Variants in THOC1 observed in about 807,000 individuals in gnomAD.
The protein encoded by THOC1 is THO complex subunit 1.
A neutral mutation model predicts 97.3 loss-of-function variants in THOC1; 29 were observed. The ratio of observed to expected loss-of-function variants is 0.30; its 90% CI spans 0.22 to 0.41. The LOEUF is 0.41. THOC1 is among the 10% of genes least tolerant of loss of function. The pLI is 1.00. For synonymous variants in THOC1, 255 were observed against 257.0 expected (o/e 0.99, Z 0.07); for missense variants, 529 against 761.9 (o/e 0.69, Z 3.60).
chr18:259,883 G>A, intron 5 of THOC1, 153 bp from the exon 6 acceptor site: 1 of 545,774 alleles, frequency 1.8e-6, no homozygotes. Flanking sequence ...CATTTTCAAT[G>A]AAATAAAAAT....
At position 225,361 on chromosome 18, in the gene THOC1, T is replaced by C; in HGVS notation, c.1062A>G (p.Glu354=). Residue 354 remains glutamate, a synonymous_variant, in exon 13 of 21, where the codon GAA becomes GAG. Transcript: ENST00000261600. Reference sequence around the variant, plus strand: ...CTTGATAAACTGATTTTGTAGTATCTTCAATCCAAAGTGATTGCTCATCAG... The same window carrying C: ...CTTGATAAACTGATTTTGTAGTATCCTCAATCCAAAGTGATTGCTCATCAG... ...VLTDEQSLWI[E]DTTKSVYQLL... 1 of 1,613,632 alleles carries C rather than the reference T, an allele frequency of 6.2e-7. No homozygotes were observed. Among genetic ancestry groups the C allele is most frequent in the Non-Finnish European group, 8.5e-7 (1 of 1,179,728 alleles).
chr18:259,993 T>C (rs1912552898), intron 5 of THOC1, 193 bp downstream of exon 5: 8 of 522,236 alleles, frequency 1.5e-5, no homozygotes, highest in East Asian at 6.7e-5. Flanking sequence ...AAATCAAATT[T>C]TGTATTTCAA....
chr18:232,060 G>A (rs1158383780), intron 11 of THOC1, among the ~76,000 whole-genome samples: 1 of 152,178 alleles, frequency 6.6e-6, no homozygotes, highest in African/African-American at 2.4e-5. Flanking sequence ...CAATCTAAAT[G>A]AATGAGGGTG....
intron 17 of THOC1, among the ~76,000 whole-genome samples, chr18:222,093 T>C (rs1250448660): frequency 6.6e-6 from 1 of 152,216 alleles, no homozygotes; most frequent in Non-Finnish European, 1.5e-5. Flanking sequence ...TCAATTTATT[T>C]AAAAATTACA....
intron 11 of THOC1, among the ~76,000 whole-genome samples, chr18:232,984 C>T (rs557195169): frequency 6.6e-6 from 1 of 152,116 alleles, no homozygotes; most frequent in South Asian, 2.1e-4. Context: ...TAATCTTCTC[C>T]CAGTCTGTGC....
At chr18:258,065 T>C (rs1912490978) in intron 7 of THOC1, among the ~76,000 whole-genome samples, 1 of 151,956 alleles carries the variant, frequency 6.6e-6, no homozygotes, top group Admixed American at 6.6e-5. Flanking sequence ...AGATACATCA[T>C]AGTAAAACTA....
rs759421947 is a variant in THOC1, at chr18:214,591, T to TATCA, written c.*31_*34dup. The TATCA allele has an allele frequency of 3.9e-6, 6 of 1,544,782 alleles. No homozygotes were observed. The highest frequency in any genetic ancestry group is 1.7e-4 in the Middle Eastern group (1 of 5,770). ...TCAAATGCTGCTTGGTAACAAAATC[T>TATCA]ATCACAGTTTTAATAAAAAGAAAAA... On this transcript the variant is annotated 3_prime_UTR_variant, in exon 21 of 21. Coordinates refer to ENST00000261600, the MANE Select transcript of THOC1 (RefSeq NM_005131.3).
At chr18:253,135 G>A (rs1197451796) in intron 8 of THOC1, among the ~76,000 whole-genome samples, 1 of 152,154 alleles carries the variant, frequency 6.6e-6, no homozygotes, top group African/African-American at 2.4e-5. Flanking sequence ...GTGAGGCTGT[G>A]GGGAAAAAGG....
At chr18:220,106 G>A (rs1049508304) in intron 17 of THOC1, among the ~76,000 whole-genome samples, 4 of 152,054 alleles carry the variant, frequency 2.6e-5, no homozygotes, top group African/African-American at 9.7e-5. Flanking sequence ...TCCATTTTAT[G>A]AACATGCCCC....
chr18:237,537 G>A (rs1458699788), intron 11 of THOC1, among the ~76,000 whole-genome samples: 1 of 151,936 alleles, frequency 6.6e-6, no homozygotes, highest in African/African-American at 2.4e-5. Flanking sequence ...GTTAAAATCT[G>A]CCCAGACAAT....
intron 11 of THOC1, among the ~76,000 whole-genome samples, chr18:235,579 C>T (rs1164324119): frequency 6.6e-6 from 1 of 152,072 alleles, no homozygotes; most frequent in African/African-American, 2.4e-5. Flanking sequence ...TTGGAATTTC[C>T]ATTATGAGTT....
At chr18:232,867 C>T (rs1567847101) in intron 11 of THOC1, among the ~76,000 whole-genome samples, 1 of 152,088 alleles carries the variant, frequency 6.6e-6, no homozygotes, top group East Asian at 1.9e-4. Flanking sequence ...CAGTTTTCTA[C>T]ATCTTTAAAT....
At chr18:237,482 T>C (rs1463920642) in intron 11 of THOC1, among the ~76,000 whole-genome samples, 2 of 152,084 alleles carry the variant, frequency 1.3e-5, no homozygotes, top group Admixed American at 1.3e-4. Flanking sequence ...CCTTTTTAAA[T>C]TGTTGAAAGG....
chr18:266,631 G>A (rs962302691), intron 1 of THOC1, among the ~76,000 whole-genome samples: 3 of 150,380 alleles, frequency 2.0e-5, no homozygotes, highest in Admixed American at 6.7e-5. Context: ...TCCGCTGTCC[G>A]GGTTCAAGCG....
chr18:264,225 A>G (rs1180000890), intron 3 of THOC1, 133 bp from the exon 4 acceptor site: 3 of 624,378 alleles, frequency 4.8e-6, no homozygotes, highest in South Asian at 2.4e-5. Context: ...ATAGAAAACA[A>G]TATTTTCTAA....
intron 11 of THOC1, chr18:245,581 T>A (rs1912061699): frequency 6.6e-6 from 1 of 152,334 alleles, no homozygotes; most frequent in African/African-American, 2.4e-5. Flanking sequence ...TGGATAAAAG[T>A]TCCACCCTAG....
intron 8 of THOC1, among the ~76,000 whole-genome samples, chr18:253,891 A>T (rs1912355747): frequency 1.4e-5 from 2 of 147,776 alleles, no homozygotes; most frequent in African/African-American, 5.0e-5. Context: ...TTGTAGGCCC[A>T]TTTACATGAA....
chr18:252,778 T>G (rs149696032), intron 8 of THOC1, among the ~76,000 whole-genome samples, 166 bp from the exon 9 acceptor site: 1 of 152,304 alleles, frequency 6.6e-6, no homozygotes, highest in East Asian at 1.9e-4. Context: ...AATCAGAATT[T>G]TACCTGATGG....
chr18:214,754 G>A lies in THOC1; in HGVS notation c.1846C>T (p.Leu616Phe). 1.2e-6 allele frequency: 2 copies of A among 1,613,958 alleles called. No homozygotes were observed. Among genetic ancestry groups the A allele is most frequent in the Non-Finnish European group, 1.7e-6 (2 of 1,179,888 alleles). Residue 616 changes from leucine to phenylalanine, a missense_variant, in exon 21 of 21, where the codon CTC becomes TTC. This residue lies in a region of THOC1 where 98 missense variants were observed against 111.9 expected (regional missense o/e 0.88). Coordinates refer to ENST00000261600, the MANE Select transcript of THOC1 (RefSeq NM_005131.3). Reference protein sequence around the residue: ...SEDMKMRAKQLLVAWQDQEGV... With the variant: ...SEDMKMRAKQFLVAWQDQEGV... ...TCTTGATCTTGCCAGGCAACCAGGAGCTGCTTAGCTCTCATCTTCATGTCT... is the reference window on the plus strand; with the variant it reads ...TCTTGATCTTGCCAGGCAACCAGGAACTGCTTAGCTCTCATCTTCATGTCT...
Sources: gnomAD v4.1 joint callset for allele counts (sites outside exome capture counted in the v4.1 genomes callset) on GRCh38, gnomAD v4.1.1 for gene constraint, gnomAD v4.1.1 regional missense constraint, MANE v1.5 for transcripts, NCBI Gene and HGNC (gene_info 2026-07-23, HGNC 2026-07-21) for gene names.